NEK11: variants seen among roughly 807,000 people sequenced by gnomAD.
The protein encoded by NEK11 is NIMA related kinase 11, also known as serine/threonine-protein kinase Nek11.
Under a neutral mutation model 80.7 loss-of-function variants are expected in NEK11, and 72 were observed. The observed-to-expected ratio is 0.89, with a 90% CI of 0.74 to 1.08. The LOEUF (loss-of-function observed/expected upper bound fraction) is 1.08. Ranked by LOEUF, NEK11 falls within the 50% of genes least tolerant of loss-of-function variation. The pLI, the probability that NEK11 is intolerant of heterozygous loss-of-function variation, is 0.00. For missense variants in NEK11, 764 were observed against 763.6 expected (o/e 1.00, Z -0.01); for synonymous variants, 251 against 260.7 (o/e 0.96, Z 0.36).
intron 3 of NEK11, among the ~76,000 whole-genome samples, chr3:131,063,609 A>G (rs1334957651): frequency 6.6e-6 from 1 of 152,212 alleles, no homozygotes; most frequent in African/African-American, 2.4e-5. Flanking sequence ...CAGTCCCGAT[A>G]GATAGGGTCC....
At chr3:131,042,062 A>G (rs2066584569) in intron 3 of NEK11, among the ~76,000 whole-genome samples, 2 of 152,226 alleles carry the variant, frequency 1.3e-5, no homozygotes, top group South Asian at 4.1e-4. Context: ...GGAACAGTGC[A>G]TTCCAGCTCA....
chr3:131,218,139 G>A (rs2094904063), intron 14 of NEK11, among the ~76,000 whole-genome samples: 1 of 152,090 alleles, frequency 6.6e-6, no homozygotes, highest in South Asian at 2.1e-4. Context: ...TTTATATTTT[G>A]TTTTGTAACC....
chr3:131,106,286 CT>C (rs11305818), intron 4 of NEK11, among the ~76,000 whole-genome samples: 67,471 of 139,834 alleles, frequency 0.48, 17,810 homozygotes, highest in African/African-American at 0.75. Flanking sequence ...CCTGTTAGGG[CT>C]TTTTTTTTTT....
At chr3:131,225,451 T>C (rs1170260929) in intron 14 of NEK11, among the ~76,000 whole-genome samples, 1 of 152,220 alleles carries the variant, frequency 6.6e-6, no homozygotes, top group Non-Finnish European at 1.5e-5. Flanking sequence ...TATTTCTTCC[T>C]GGTGTTGGGT....
chr3:131,072,657 G>T (rs1354255281), intron 3 of NEK11, among the ~76,000 whole-genome samples: 2 of 152,176 alleles, frequency 1.3e-5, no homozygotes, highest in African/African-American at 2.4e-5. Flanking sequence ...TTGACCCAAG[G>T]CATCCTTGGT....
At chr3:131,036,404 T>A (rs1045279908) in intron 3 of NEK11, among the ~76,000 whole-genome samples, 1 of 152,356 alleles carries the variant, frequency 6.6e-6, no homozygotes, top group Middle Eastern at 3.4e-3. Context: ...CTGTTTGGTC[T>A]GGGGTATGGC....
intron 5 of NEK11, among the ~76,000 whole-genome samples, chr3:131,115,903 TTTCTTTC>T (rs2080954139): frequency 4.2e-5 from 1 of 23,956 alleles, no homozygotes. Context: ...AAGGTAGTGT[TTTCTTTC>T]TTTCTTTCTT....
chr3:131,052,125 G>C (rs1432396425), intron 3 of NEK11, among the ~76,000 whole-genome samples: 1 of 43,504 alleles, frequency 2.3e-5, no homozygotes, highest in African/African-American at 7.6e-5. Flanking sequence ...TACACTTCTG[G>C]TTTTTTTTGT....
intron 14 of NEK11, among the ~76,000 whole-genome samples, chr3:131,212,468 G>A (rs564114645): frequency 8.5e-5 from 13 of 152,316 alleles, no homozygotes; most frequent in African/African-American, 2.6e-4. Flanking sequence ...GAGGCAGTCT[G>A]TCCATTCTCA....
chr3:131,201,531 T>A (rs2094226483), intron 14 of NEK11, among the ~76,000 whole-genome samples: 1 of 152,182 alleles, frequency 6.6e-6, no homozygotes, highest in Non-Finnish European at 1.5e-5. Context: ...CTGACAGAAA[T>A]GTGCCTCTCC....
chr3:131,200,384 G>A (rs1312843404), intron 14 of NEK11, among the ~76,000 whole-genome samples: 1 of 152,168 alleles, frequency 6.6e-6, no homozygotes, highest in Non-Finnish European at 1.5e-5. Flanking sequence ...TCCATTACTG[G>A]TGGGAGTATA....
intron 14 of NEK11, among the ~76,000 whole-genome samples, chr3:131,183,429 T>A (rs1039350449): frequency 3.3e-5 from 5 of 152,166 alleles, no homozygotes; most frequent in African/African-American, 1.2e-4. Context: ...ATCCTGATTC[T>A]CTCCCTCCCC....
At chr3:131,225,755 A>G (rs1166593024) in intron 14 of NEK11, among the ~76,000 whole-genome samples, 1 of 152,194 alleles carries the variant, frequency 6.6e-6, no homozygotes, top group East Asian at 1.9e-4. Flanking sequence ...TTGAGAGGTC[A>G]GTTTAGTGAG....
intron 16 of NEK11, among the ~76,000 whole-genome samples, chr3:131,259,007 T>C (rs2095865938): frequency 6.6e-6 from 1 of 152,292 alleles, no homozygotes; most frequent in South Asian, 2.1e-4. Context: ...AAGTTTAATA[T>C]ACATTTAAGC....
At chr3:131,066,748 A>G (rs760075587) in intron 3 of NEK11, among the ~76,000 whole-genome samples, 2 of 151,658 alleles carry the variant, frequency 1.3e-5, no homozygotes, top group Admixed American at 1.3e-4. Context: ...AGGCTGAGGC[A>G]GGAGAATCAC....
chr3:131,088,484 G>C (rs1233073962), intron 4 of NEK11, among the ~76,000 whole-genome samples: 1 of 152,142 alleles, frequency 6.6e-6, no homozygotes, highest in East Asian at 1.9e-4. Context: ...AAACCCAGTA[G>C]AGTTTATGAC....
chr3:131,167,169 T>C (rs1377925471), intron 12 of NEK11, among the ~76,000 whole-genome samples: 1 of 152,206 alleles, frequency 6.6e-6, no homozygotes, highest in African/African-American at 2.4e-5. Flanking sequence ...TGATTAATAA[T>C]GAATAGAAAA....
Position 131,162,420 on chromosome 3 carries a change from C to A in NEK11, c.975C>A (p.Ile325=). ...AHIINAMQKR[I]HLQTLRALSE... ...TTGTTATTTATAGGCAAAAAAGGAT[C>A]CACCTGCAGACTCTGAGGGCACTGT... Residue 325 remains isoleucine, a synonymous_variant, in exon 11 of 18, where the codon ATC becomes ATA. Coordinates refer to ENST00000383366, the MANE Select transcript of NEK11 (RefSeq NM_024800.5). 1 of 1,613,326 alleles carries A rather than the reference C, an allele frequency of 6.2e-7. No homozygotes were observed. Among genetic ancestry groups the A allele is most frequent in the Non-Finnish European group, 8.5e-7 (1 of 1,179,688 alleles).
At chr3:131,332,918 A>G (rs1340594224) in intron 17 of NEK11, among the ~76,000 whole-genome samples, 1 of 152,196 alleles carries the variant, frequency 6.6e-6, no homozygotes, top group East Asian at 1.9e-4. Flanking sequence ...GTTTAGAGAA[A>G]AAAGAATAAA....
Sources: gnomAD v4.1 joint callset for allele counts (sites outside exome capture counted in the v4.1 genomes callset) on GRCh38, gnomAD v4.1.1 for gene constraint, MANE v1.5 for transcripts, NCBI Gene and HGNC (gene_info 2026-07-23, HGNC 2026-07-21) for gene names.